Variants in ZFPM2 observed in about 807,000 individuals in gnomAD.
ZFPM2 encodes zinc finger protein, FOG family member 2.
In ZFPM2, 20 loss-of-function variants were observed where a neutral mutation model predicts 98.6. That is an observed-to-expected ratio of 0.20 (90% CI 0.14 to 0.29). The LOEUF (loss-of-function observed/expected upper bound fraction) is 0.29, where lower values mean the gene tolerates loss of function less well. ZFPM2 is among the 10% of genes least tolerant of loss of function. ZFPM2 has a pLI of 1.00. For synonymous variants in ZFPM2, 518 were observed against 502.7 expected, an observed-to-expected ratio of 1.03 and a Z score of -0.41; for missense variants, 1,310 against 1,388.6, an observed-to-expected ratio of 0.94 and a Z score of 0.90.
At chr8:105,765,981 A>T (rs184295923) in intron 5 of ZFPM2, among the ~76,000 whole-genome samples, 502 of 152,040 alleles carry the variant, frequency 3.3e-3, no homozygotes, top group Middle Eastern at 0.014. Flanking sequence ...TTTAGCTAAA[A>T]TCTCGCTGGT....
chr8:105,321,688 TG>T (rs1480735456), intron 1 of ZFPM2, among the ~76,000 whole-genome samples: 1 of 152,156 alleles, frequency 6.6e-6, no homozygotes, highest in African/African-American at 2.4e-5. Flanking sequence ...TCTTTCCCCT[TG>T]GGTGCTCTCC....
At chr8:105,484,550 A>G (rs1211000160) in intron 3 of ZFPM2, among the ~76,000 whole-genome samples, 2 of 152,162 alleles carry the variant, frequency 1.3e-5, no homozygotes, top group Non-Finnish European at 2.9e-5. Flanking sequence ...AGTTTCCTCA[A>G]CTGCCAAGGA....
At chr8:105,607,728 C>T (rs1210176796) in intron 4 of ZFPM2, among the ~76,000 whole-genome samples, 1 of 152,092 alleles carries the variant, frequency 6.6e-6, no homozygotes, top group Non-Finnish European at 1.5e-5. Flanking sequence ...GTTCACTCTC[C>T]TGTGTGTTCC....
At chr8:105,617,821 A>C (rs1005196275) in intron 4 of ZFPM2, among the ~76,000 whole-genome samples, 2 of 152,196 alleles carry the variant, frequency 1.3e-5, no homozygotes, top group Admixed American at 1.3e-4. Context: ...TTTAAAATCT[A>C]TTCTATGTTA....
chr8:105,588,490 C>T (rs977943968), intron 4 of ZFPM2, among the ~76,000 whole-genome samples: 5 of 151,882 alleles, frequency 3.3e-5, no homozygotes, highest in Admixed American at 3.3e-4. Flanking sequence ...TTCTCTTCTC[C>T]CTCCAGTTTG....
At chr8:105,610,926 G>A (rs185611339) in intron 4 of ZFPM2, among the ~76,000 whole-genome samples, 20 of 152,308 alleles carry the variant, frequency 1.3e-4, no homozygotes, top group South Asian at 4.1e-4. Context: ...CATGATACAT[G>A]TAGAGCTACC....
chr8:105,325,236 G>A (rs10103822), intron 1 of ZFPM2, among the ~76,000 whole-genome samples: 24,981 of 151,770 alleles, frequency 0.16, 3,285 homozygotes, highest in East Asian at 0.5. Context: ...AGTATGTATC[G>A]TTTAATAAGG....
At chr8:105,703,454 C>T (rs138266459) in intron 5 of ZFPM2, among the ~76,000 whole-genome samples, 137 of 152,098 alleles carry the variant, frequency 9.0e-4, no homozygotes, top group South Asian at 4.6e-3. Context: ...ATTTGCTAGA[C>T]GGAGAACGAA....
intron 5 of ZFPM2, among the ~76,000 whole-genome samples, chr8:105,744,712 C>T (rs1335980717): frequency 5.1e-5 from 6 of 116,538 alleles, no homozygotes; most frequent in Admixed American, 9.6e-5. Context: ...CTTAGATAAG[C>T]GTAGGGTGAA....
chr8:105,405,096 A>AGGCTTCAT (rs1462956992), intron 1 of ZFPM2, among the ~76,000 whole-genome samples: 1 of 152,026 alleles, frequency 6.6e-6, no homozygotes, highest in Non-Finnish European at 1.5e-5. Flanking sequence ...CGTGGAAACA[A>AGGCTTCAT]GGCTTCATAG....
At chr8:105,484,627 G>T (rs1813192760) in intron 3 of ZFPM2, among the ~76,000 whole-genome samples, 1 of 152,138 alleles carries the variant, frequency 6.6e-6, no homozygotes, top group African/African-American at 2.4e-5. Context: ...CCTTAGAATA[G>T]TGCCACACTG....
chr8:105,802,758 C>T lies in ZFPM2; in HGVS notation c.2676C>T (p.Gly892=). 6.2e-7 allele frequency: 1 copy of T among 1,613,536 alleles called. No homozygotes were observed. The highest frequency in any genetic ancestry group is 8.5e-7 in the Non-Finnish European group (1 of 1,179,774). The change falls in exon 8 of 8, where the codon GGC becomes GGT. Residue 892 remains glycine (G), a synonymous_variant. Coordinates refer to ENST00000407775, the MANE Select transcript of ZFPM2 (RefSeq NM_012082.4). The part of the protein sequence containing the change: ...HQRNDLGQLD[G]KVFPNPESER... ...GTAATGACCTGGGTCAACTGGACGG[C>T]AAAGTGTTTCCGAATCCAGAAAGCG...
At chr8:105,326,323 A>G (rs539857910) in intron 1 of ZFPM2, among the ~76,000 whole-genome samples, 58 of 151,884 alleles carry the variant, frequency 3.8e-4, no homozygotes, top group African/African-American at 1.4e-3. Flanking sequence ...ATCATTGGAA[A>G]TTAGTCTTTT....
intron 5 of ZFPM2, among the ~76,000 whole-genome samples, chr8:105,725,808 G>A (rs559157430): frequency 6.6e-5 from 10 of 151,778 alleles, no homozygotes; most frequent in South Asian, 4.1e-4. Flanking sequence ...CAAGTCTCTT[G>A]TGTCAGCTCT....
chr8:105,419,062 CA>C (rs3214948), intron 1 of ZFPM2, 81 bp from the exon 2 acceptor site: 211,905 of 1,384,718 alleles, frequency 0.15, 17,268 homozygotes, highest in Middle Eastern at 0.22. Flanking sequence ...ACCACTGTAA[CA>C]AAAAAAGGCT....
rs1201524969 is a variant in ZFPM2 at position 105,693,986 on chromosome 8, T to C, written c.532+59629T>C. Among the ~76,000 whole-genome samples the C allele has an allele frequency of 5.0e-5, 4 of 79,416 alleles. No individual in the cohort carries two copies. In the East Asian group the frequency reaches 9.0e-4, roughly 18 times the overall value. 52.1% of individuals were successfully genotyped at this position (79,416 alleles called of 152,430 possible). A position where few individuals can be genotyped will look rare whatever the true frequency, so the allele number is the denominator to read the frequency against. On this transcript the variant is annotated intron_variant, in intron 5 of 7. Transcript: ENST00000407775. ...TCTTTTCTTTTTTTCTTTTCTTTTT[T>C]TTTTTTTTTTTTTTTTGAGATGGAG...
chr8:105,788,333 C>G (rs1168973068), intron 5 of ZFPM2, among the ~76,000 whole-genome samples: 2 of 152,060 alleles, frequency 1.3e-5, no homozygotes, highest in Admixed American at 6.5e-5. Context: ...AAGAATAACT[C>G]CAAATGCTCA....
At chr8:105,650,414 G>T (rs1187671470) in intron 5 of ZFPM2, among the ~76,000 whole-genome samples, 1 of 152,054 alleles carries the variant, frequency 6.6e-6, no homozygotes, top group Non-Finnish European at 1.5e-5. Flanking sequence ...CTTGCCTTCT[G>T]CTAGCTTTTG....
intron 4 of ZFPM2, among the ~76,000 whole-genome samples, chr8:105,624,794 A>G (rs1273611535): frequency 6.6e-6 from 1 of 152,204 alleles, no homozygotes; most frequent in African/African-American, 2.4e-5. Context: ...TTTGAGAACT[A>G]AAAGCAAATA....
Sources: gnomAD v4.1 joint callset for allele counts (sites outside exome capture counted in the v4.1 genomes callset) on GRCh38, gnomAD v4.1.1 for gene constraint, MANE v1.5 for transcripts, NCBI Gene and HGNC (gene_info 2026-07-23, HGNC 2026-07-21) for gene names.